TICRR: variants seen among roughly 807,000 people sequenced by gnomAD.
The protein encoded by TICRR is TOPBP1 interacting checkpoint and replication regulator, also known as treslin.
In TICRR, 132 loss-of-function variants were observed where a neutral mutation model predicts 178.1. The ratio of observed to expected loss-of-function variants is 0.74; its 90% confidence interval spans 0.64 to 0.86. The LOEUF (loss-of-function observed/expected upper bound fraction) is 0.86. TICRR is among the 40% of genes least tolerant of loss of function. TICRR has a pLI of 0.00. For missense variants in TICRR, 2,587 were observed against 2,334.3 expected (o/e 1.11, Z -2.23); for synonymous variants, 991 against 900.7 (o/e 1.10, Z -1.79).
chr15:89,621,982 CT>C (rs34123859), intron 19 of TICRR, among the ~76,000 whole-genome samples: 1,905 of 87,696 alleles, frequency 0.022, 9 homozygotes, highest in Middle Eastern at 0.046. Context: ...CAAACTGACT[CT>C]TTTTTTTTTT....
Position 89,584,313 on chromosome 15 carries a change from C to T in TICRR, c.962C>T (p.Thr321Ile). 1.2e-6 allele frequency: 2 copies of T among 1,612,384 alleles called. No homozygotes were observed. Among genetic ancestry groups the T allele is most frequent in the Non-Finnish European group, 1.7e-6 (2 of 1,179,118 alleles). ...EAGKEIQETWTVTLEPLAMHQ... is the reference protein window; with the variant it reads ...EAGKEIQETWIVTLEPLAMHQ... ...GGCAAAGAGATTCAAGAAACATGGA[C>T]AGTCACCCTAGAGCCCTTGGCCATG... The change falls in exon 3 of 22, where the codon ACA becomes ATA. Residue 321 changes from threonine (T) to isoleucine (I), a missense_variant. By Grantham distance (89) the Thr-to-Ile change is moderately conservative. Coordinates refer to ENST00000268138, the MANE Select transcript of TICRR (RefSeq NM_152259.4).
intron 17 of TICRR, among the ~76,000 whole-genome samples, chr15:89,619,397 T>C (rs1325684004): frequency 6.6e-6 from 1 of 152,064 alleles, no homozygotes; most frequent in Non-Finnish European, 1.5e-5. Flanking sequence ...GGCTAATTTT[T>C]GTATTTTTAG....
Position 89,575,796 on chromosome 15 carries a change from C to G in TICRR, c.210C>G (p.Ser70=), listed in dbSNP as rs764419736. 6 of 1,606,218 alleles carry G rather than the reference C, an allele frequency of 3.7e-6. No individual in the cohort carries two copies. The highest frequency in any genetic ancestry group is 5.1e-6 in the Non-Finnish European group (6 of 1,177,548). ...SRVSDFRELG[S]RSWEDFEEEL... Reference sequence around the variant, plus strand: ...TGTCTGACTTCCGCGAGCTGGGGTCCCGCTCGTGGGAGGACTTTGAGGAGG... The same window carrying G: ...TGTCTGACTTCCGCGAGCTGGGGTCGCGCTCGTGGGAGGACTTTGAGGAGG... Residue 70 remains serine (S), a synonymous_variant, in exon 1 of 22, where the codon TCC becomes TCG. Transcript: ENST00000268138.
chr15:89,626,943 T>C lies in TICRR; in HGVS notation c.5603-13T>C, dbSNP rs200328695. The C allele has an allele frequency of 3.5e-5, 56 of 1,612,982 alleles. No individual in the cohort carries two copies. In the Admixed American group the frequency reaches 7.8e-4, roughly 23 times the overall value. On this transcript the variant is annotated splice_polypyrimidine_tract_variant and intron_variant, in intron 21 of 21. Coordinates refer to ENST00000268138, the MANE Select transcript of TICRR (RefSeq NM_152259.4). The stretch of plus-strand genomic sequence containing the variant: ...GTGACTCCTGCATGCTAAGCCTTTC[T>C]ACCTTCTTCTAGATGAGGATGTGGA...
intron 4 of TICRR, among the ~76,000 whole-genome samples, chr15:89,590,440 A>G (rs1219167022): frequency 6.6e-6 from 1 of 152,216 alleles, no homozygotes; most frequent in Non-Finnish European, 1.5e-5. Context: ...GACTATTTAT[A>G]TAGTCTTGGA....
Position 89,625,638 on chromosome 15 carries a change from C to T in TICRR, c.5328C>T (p.Val1776=), listed in dbSNP as rs776950177. The T allele has an allele frequency of 9.3e-6, 15 of 1,613,466 alleles. No homozygotes were observed. The Admixed American group carries it at 2.5e-4, about 27-fold the overall frequency. The change falls in exon 20 of 22, where the codon GTC becomes GTT. Residue 1776 remains valine, a synonymous_variant. Coordinates refer to ENST00000268138, the MANE Select transcript of TICRR (RefSeq NM_152259.4). ...GQFGLSSRKR[V]LLAKEEADRG... The stretch of plus-strand genomic sequence containing the variant: ...TTGGGTTGAGTTCCAGGAAGAGAGT[C>T]CTGTTGGCCAAGGAAGAAGCTGACC...
rs747477402 is a variant in TICRR at position 89,619,777 on chromosome 15, A to G, written c.3089A>G (p.Tyr1030Cys). 2 of 1,614,006 alleles carry G rather than the reference A, an allele frequency of 1.2e-6. No individual in the cohort carries two copies. Among genetic ancestry groups the G allele is most frequent in the Non-Finnish European group, 1.7e-6 (2 of 1,179,984 alleles). Residue 1030 changes from tyrosine (Y) to cysteine (C), a missense_variant, in exon 18 of 22, where the codon TAT (tyrosine) becomes TGT (cysteine). Transcript: ENST00000268138. ...AGCAGGACACATTCTGCCTCCTTCTATTCTGTGTCTCAGCCGAAGTCTCGA... is the reference window on the plus strand; with the variant it reads ...AGCAGGACACATTCTGCCTCCTTCTGTTCTGTGTCTCAGCCGAAGTCTCGA... ...SFSRTHSASF[Y>C]SVSQPKSRSV...
chr15:89,605,286 T>G (rs1215026774), intron 13 of TICRR, among the ~76,000 whole-genome samples: 1 of 152,218 alleles, frequency 6.6e-6, no homozygotes, highest in East Asian at 1.9e-4. Flanking sequence ...AACTTTATTT[T>G]CAAAAACAAG....
At position 89,586,114 on chromosome 15, in the gene TICRR, G is replaced by C. The variant is rs375688083; in HGVS notation, c.1411+172G>C. On this transcript the variant is annotated intron_variant, in intron 4 of 21. Transcript: ENST00000268138. ...CATTATTATTTATAGAATTCCTTAAGTACTTCTGAGGAGGCTGCAGGTTCC... is the reference window on the plus strand; with the variant it reads ...CATTATTATTTATAGAATTCCTTAACTACTTCTGAGGAGGCTGCAGGTTCC... Among the ~76,000 whole-genome samples the C allele has an allele frequency of 2.0e-5, 3 of 152,208 alleles. No individual in the cohort carries two copies. The East Asian group carries it at 5.8e-4, about 29-fold the overall frequency.
intron 19 of TICRR, among the ~76,000 whole-genome samples, chr15:89,622,919 T>C (rs924584369): frequency 1.3e-5 from 2 of 152,226 alleles, no homozygotes; most frequent in Non-Finnish European, 2.9e-5. Flanking sequence ...GCCCCTCGCA[T>C]GTCCCTGTCA....
At chr15:89,618,339 C>G in intron 17 of TICRR, 129 bp downstream of exon 17, 1 of 801,070 alleles carries the variant, frequency 1.2e-6, no homozygotes, top group Non-Finnish European at 2.2e-6. Context: ...GTCCACAATG[C>G]AGCTCAGTAA....
Position 89,606,957 on chromosome 15 carries a change from A to T in TICRR, c.2722+132A>T, listed in dbSNP as rs1260734860. The T allele has an allele frequency of 4.6e-6, 3 of 654,522 alleles. No individual in the cohort carries two copies. The East Asian group carries it at 8.3e-5, about 18-fold the overall frequency. 40.5% of individuals were successfully genotyped at this position (654,522 alleles called of 1,614,324 possible). On this transcript the variant is annotated intron_variant, in intron 14 of 21. Transcript: ENST00000268138. ...ATTGTTGGCTAATAAAATATGTCCA[A>T]ATACCATGGACATAGTCCCCTAGGA... is the stretch of plus-strand genomic sequence containing the variant.
Position 89,584,270 on chromosome 15 carries a change from T to C in TICRR, c.935-16T>C. The C allele has an allele frequency of 6.3e-7, 1 of 1,586,286 alleles. No individual in the cohort carries two copies. Among genetic ancestry groups the C allele is most frequent in the Non-Finnish European group, 8.6e-7 (1 of 1,167,780 alleles). On this transcript the variant is annotated splice_polypyrimidine_tract_variant and intron_variant, in intron 2 of 21. Transcript: ENST00000268138. ...TTTTAATTTGGCATCCTGGTCTAAT[T>C]AATCTTTATTTCTAGCAGGCAAAGA...
In TICRR at chr15:89,621,372, GTTGC is replaced by G; in HGVS notation, c.3155-19_3155-16del. 6.3e-7 allele frequency: 1 copy of G among 1,588,196 alleles called. No individual in the cohort carries two copies. The highest frequency in any genetic ancestry group is 8.5e-7 in the Non-Finnish European group (1 of 1,171,238). On this transcript the variant is annotated splice_polypyrimidine_tract_variant and intron_variant, in intron 18 of 21. Transcript: ENST00000268138. Reference sequence around the variant, plus strand: ...AGGAATTGAGAAAGAATTAAATATTGTTGCTGTTTTTGACTTGCAGACCAAAGAG... The same window carrying G: ...AGGAATTGAGAAAGAATTAAATATTGTGTTTTTGACTTGCAGACCAAAGAG...
chr15:89,582,602 C>T, intron 1 of TICRR, 84 bp from the exon 2 acceptor site: 1 of 1,294,004 alleles, frequency 7.7e-7, no homozygotes, highest in East Asian at 2.3e-5. Flanking sequence ...TTGGTATCAA[C>T]TTTACTTTCT....
intron 18 of TICRR, among the ~76,000 whole-genome samples, chr15:89,621,160 C>G (rs1963418752): frequency 6.6e-6 from 1 of 152,116 alleles, no homozygotes; most frequent in Admixed American, 6.5e-5. Context: ...GCTGGGATTA[C>G]AGGCCCCTGC....
At chr15:89,592,919 C>A (rs549067417) in intron 5 of TICRR, among the ~76,000 whole-genome samples, 14 of 152,278 alleles carry the variant, frequency 9.2e-5, no homozygotes, top group South Asian at 4.1e-4. Flanking sequence ...AACTGGCCAC[C>A]TTTGTGCAGA....
At chr15:89,604,298 T>C (rs1015723553) in intron 13 of TICRR, among the ~76,000 whole-genome samples, 1 of 152,230 alleles carries the variant, frequency 6.6e-6, no homozygotes, top group East Asian at 1.9e-4. Context: ...TCTTATACTT[T>C]GTGAATAAAA....
At position 89,595,794 on chromosome 15, in the gene TICRR, C is replaced by T. The variant is rs556311160; in HGVS notation, c.1900+183C>T. ...GATCTAGCTACAAAGATAAGGGAGG[C>T]GGAGGTTGTGGTGAGCCGAGATTGC... On this transcript the variant is annotated intron_variant, in intron 7 of 21. Coordinates refer to ENST00000268138, the MANE Select transcript of TICRR (RefSeq NM_152259.4). Among the ~76,000 whole-genome samples the T allele has an allele frequency of 1.1e-3, 171 of 152,062 alleles. 2 individuals are homozygous for T. Among genetic ancestry groups the T allele is most frequent in the Admixed American group, 0.011 (165 of 15,254 alleles).
Sources: gnomAD v4.1 joint callset for allele counts (sites outside exome capture counted in the v4.1 genomes callset) on GRCh38, gnomAD v4.1.1 for gene constraint, MANE v1.5 for transcripts, NCBI Gene and HGNC (gene_info 2026-07-23, HGNC 2026-07-21) for gene names.